ZNF446: variants seen among roughly 807,000 people sequenced by gnomAD.
ZNF446 encodes the protein zinc finger protein with KRAB and SCAN domains 20.
In ZNF446, 42 loss-of-function variants were observed where a neutral mutation model predicts 34.0. That is an observed-to-expected ratio of 1.23 (90% confidence interval 0.96 to 1.60). The LOEUF (loss-of-function observed/expected upper bound fraction) is 1.60, where lower values mean the gene tolerates loss of function less well. ZNF446 is among the 40% of genes most tolerant of loss of function. The pLI is 0.00. For synonymous variants in ZNF446, 315 were observed against 251.0 expected (o/e 1.25, Z -2.41); for missense variants, 650 against 600.2 (o/e 1.08, Z -0.87).
rs1159311161 is a variant in ZNF446 at position 58,477,538 on chromosome 19, AC to A, written c.323del (p.Pro108LeufsTer13). On this transcript the variant is annotated frameshift_variant, in exon 2 of 7. Coordinates refer to ENST00000594369, the MANE Select transcript of ZNF446 (RefSeq NM_017908.4). LOFTEE classifies it high-confidence loss of function. ...GCCCTAGTCGAAGGACTGCAGCATG[AC>A]CCTGGGCAACTGTTGGGCTGGGTGA... ...AAALVEGLQH[D>X]PGQLLGWITA... is the part of the protein sequence containing the mutation. The A allele has an allele frequency of 6.2e-7, 1 of 1,612,100 alleles. No individual in the cohort carries two copies. Among genetic ancestry groups the A allele is most frequent in the Non-Finnish European group, 8.5e-7 (1 of 1,178,942 alleles).
rs1568616613 is a variant in ZNF446, at chr19:58,477,439, T to G, written c.221T>G (p.Phe74Cys). 1.2e-6 allele frequency: 2 copies of G among 1,613,482 alleles called. No individual in the cohort carries two copies. The highest frequency in any genetic ancestry group is 1.7e-6 in the Non-Finnish European group (2 of 1,180,014). ...QMLEMLVLEQ[F>C]LGTLPPEIQA... The stretch of plus-strand genomic sequence containing the variant: ...CTGGAGATGCTGGTGCTGGAGCAGT[T>G]CCTGGGCACACTGCCTCCCGAGATC... The change falls in exon 2 of 7, where the codon TTC (phenylalanine) becomes TGC (cysteine). Residue 74 changes from phenylalanine to cysteine, a missense_variant. Coordinates refer to ENST00000594369, the MANE Select transcript of ZNF446 (RefSeq NM_017908.4).
downstream of ZNF446, among the ~76,000 whole-genome samples, chr19:58,485,907 T>C (rs141515386): frequency 8.0e-3 from 1,217 of 151,920 alleles, 10 homozygotes; most frequent in Non-Finnish European, 0.013. Context: ...ATCAGGAAAA[T>C]GTAAAACTTT....
chr19:58,479,554 T>A, intron 4 of ZNF446, 89 bp from the exon 5 acceptor site: 2 of 1,428,938 alleles, frequency 1.4e-6, no homozygotes, highest in Non-Finnish European at 1.9e-6. Flanking sequence ...GGTAACCTGC[T>A]GACTCTTCCG....
intron 1 of ZNF446, among the ~76,000 whole-genome samples, 182 bp downstream of exon 1, chr19:58,476,686 C>A (rs963184220): frequency 2.6e-5 from 4 of 152,152 alleles, no homozygotes; most frequent in Non-Finnish European, 4.4e-5. Context: ...GTCCACGTGC[C>A]CCCTCCCCAG....
the ZNF446 span, among the ~76,000 whole-genome samples, chr19:58,487,731 C>T: frequency 6.6e-6 from 1 of 152,300 alleles, no homozygotes; most frequent in East Asian, 1.9e-4. Context: ...ATCTCATCAA[C>T]CCAGGAGGTG....
Position 58,480,928 on chromosome 19 carries a change from C to G in ZNF446, c.*202C>G, listed in dbSNP as rs977516912. 3.0e-6 allele frequency: 2 copies of G among 666,022 alleles called. No homozygotes were observed. Among genetic ancestry groups the G allele is most frequent in the South Asian group, 4.1e-5 (2 of 49,208 alleles). 41.3% of individuals were successfully genotyped at this position (666,022 alleles called of 1,614,324 possible). On this transcript the variant is annotated 3_prime_UTR_variant, in exon 7 of 7. Transcript: ENST00000594369. The surrounding 1 kb of genome is among the most constrained non-coding windows in gnomAD (Gnocchi z 7.2). ...GGAGCTGCTCTCTCTCTTCTTGCCC[C>G]TGCCTCCTAGAGGGAGGTCTGGGTT... is the stretch of plus-strand genomic sequence containing the variant.
At chr19:58,481,758 C>A (rs2053141745), downstream of ZNF446, among the ~76,000 whole-genome samples, 1 of 152,028 alleles carries the variant, frequency 6.6e-6, no homozygotes, top group African/African-American at 2.4e-5. Flanking sequence ...TGACATGGGT[C>A]CCACTGGGCT....
At chr19:58,478,934 A>G (rs952494929) in intron 4 of ZNF446, among the ~76,000 whole-genome samples, 1 of 152,116 alleles carries the variant, frequency 6.6e-6, no homozygotes, top group Non-Finnish European at 1.5e-5. Context: ...CTTCTCTCCT[A>G]GGGGTTTCTT....
downstream of ZNF446, among the ~76,000 whole-genome samples, chr19:58,485,584 T>C (rs1228184678): frequency 3.9e-5 from 6 of 152,114 alleles, no homozygotes; most frequent in African/African-American, 1.4e-4. Context: ...TTTTGGAACT[T>C]GATATACATG....
At chr19:58,476,696 G>C (rs1463634318) in intron 1 of ZNF446, among the ~76,000 whole-genome samples, 192 bp downstream of exon 1, 2 of 152,082 alleles carry the variant, frequency 1.3e-5, no homozygotes, top group Non-Finnish European at 2.9e-5. Flanking sequence ...CCCCTCCCCA[G>C]AGCCATTCCT....
rs1293104789 is a variant in ZNF446, at chr19:58,477,544, G to T, written c.326G>T (p.Gly109Val). The part of the protein sequence containing the change: ...ALVEGLQHDP[G>V]QLLGWITAHV... The stretch of plus-strand genomic sequence containing the variant: ...GTCGAAGGACTGCAGCATGACCCTG[G>T]GCAACTGTTGGGCTGGGTGAGTGTG... Residue 109 changes from glycine to valine, a missense_variant, in exon 2 of 7, where the codon GGG becomes GTG. Coordinates refer to ENST00000594369, the MANE Select transcript of ZNF446 (RefSeq NM_017908.4). 1 of 1,612,048 alleles carries T rather than the reference G, an allele frequency of 6.2e-7. No homozygotes were observed. The highest frequency in any genetic ancestry group is 1.3e-5 in the African/African-American group (1 of 74,924).
At chr19:58,488,861 A>AAC in the ZNF446 span, among the ~76,000 whole-genome samples, 1 of 148,810 alleles carries the variant, frequency 6.7e-6, no homozygotes, top group African/African-American at 2.6e-5. Flanking sequence ...AAAAAAAAAA[A>AAC]AAACAAAAAA....
At chr19:58,482,342 G>A (rs575723040), downstream of ZNF446, among the ~76,000 whole-genome samples, 1 of 152,036 alleles carries the variant, frequency 6.6e-6, no homozygotes, top group African/African-American at 2.4e-5. Flanking sequence ...TGCACACTTA[G>A]TCACACCGCA....
downstream of ZNF446, among the ~76,000 whole-genome samples, chr19:58,481,886 C>T (rs893430574): frequency 5.3e-5 from 8 of 152,236 alleles, no homozygotes; most frequent in South Asian, 1.0e-3. Flanking sequence ...CTCTGCCTCC[C>T]GGGTTCACGC....
chr19:58,478,073 G>A lies in ZNF446; in HGVS notation c.533-14G>A, dbSNP rs752543886. On this transcript the variant is annotated splice_polypyrimidine_tract_variant and intron_variant, in intron 3 of 6. Transcript: ENST00000594369. ...AGCCCCTGACACCACCCTTCCATCT[G>A]CCCCACTTTTCAGCACCCTCCAGCC... 5.0e-6 allele frequency: 8 copies of A among 1,607,032 alleles called. No homozygotes were observed. Among genetic ancestry groups the A allele is most frequent in the East Asian group, 4.5e-5 (2 of 44,838 alleles).
At chr19:58,479,621 C>T (rs2053118762) in intron 4 of ZNF446, 22 bp from the exon 5 acceptor site, 3 of 1,612,108 alleles carry the variant, frequency 1.9e-6, no homozygotes, top group South Asian at 1.1e-5. Context: ...AAGACGCCTA[C>T]AGTGATGGGC....
At chr19:58,486,720 G>A in the ZNF446 span, among the ~76,000 whole-genome samples, 4 of 150,560 alleles carry the variant, frequency 2.7e-5, no homozygotes, top group African/African-American at 9.8e-5. Context: ...TTTTTTTTGG[G>A]GGGGGGCGGG....
rs376741209 is a variant in ZNF446 at position 58,477,621 on chromosome 19, T to C, written c.343-16T>C. 2.9e-5 allele frequency: 46 copies of C among 1,613,552 alleles called. 1 individual carries two copies. The highest frequency in any genetic ancestry group is 1.1e-4 in the South Asian group (10 of 91,094). Reference sequence around the variant, plus strand: ...GACCCTGGCTAGAGCCATTGTGACCTACCTCTTCTCCTCAGATCACAGCCC... The same window carrying C: ...GACCCTGGCTAGAGCCATTGTGACCCACCTCTTCTCCTCAGATCACAGCCC... On this transcript the variant is annotated splice_polypyrimidine_tract_variant and intron_variant, in intron 2 of 6. Coordinates refer to ENST00000594369, the MANE Select transcript of ZNF446 (RefSeq NM_017908.4).
At chr19:58,479,877 C>T (rs1302220850) in intron 5 of ZNF446, 53 bp from the exon 6 acceptor site, 1 of 1,437,202 alleles carries the variant, frequency 7.0e-7, no homozygotes, top group Non-Finnish European at 9.5e-7. Flanking sequence ...AGAACCGACC[C>T]CACCCCTCCT....
Sources: allele counts gnomAD v4.1 joint callset (sites outside exome capture counted in the v4.1 genomes callset), GRCh38; gene constraint gnomAD v4.1.1; non-coding constraint Gnocchi (gnomAD v3.1); transcripts MANE v1.5; gene names NCBI Gene and HGNC (gene_info 2026-07-23, HGNC 2026-07-21).